The following PGBD5 variants were observed in gnomAD, a reference collection of about 807,000 sequenced individuals.
PGBD5 encodes the protein piggyBac transposable element-derived protein 5.
In PGBD5, 14 loss-of-function variants were observed where a neutral mutation model predicts 47.9. The observed-to-expected ratio is 0.29, with a 90% CI of 0.19 to 0.46. The LOEUF is 0.46. PGBD5 is among the 20% of genes least tolerant of loss of function. The pLI is 1.00. For synonymous variants in PGBD5, 316 were observed against 306.3 expected (o/e 1.03, Z -0.33); for missense variants, 635 against 716.0 (o/e 0.89, Z 1.29).
intron 3 of PGBD5, among the ~76,000 whole-genome samples, chr1:230,342,580 GAC>G (rs1667421688): frequency 6.6e-6 from 1 of 152,216 alleles, no homozygotes; most frequent in South Asian, 2.1e-4. Context: ...AATTGTAAAT[GAC>G]AGTCACTTGT....
chr1:230,406,982 G>A (rs1657313682), intron 1 of PGBD5, among the ~76,000 whole-genome samples: 3 of 152,174 alleles, frequency 2.0e-5, no homozygotes, highest in Admixed American at 6.5e-5. Flanking sequence ...TTACAGGCGT[G>A]CACCACCACA....
chr1:230,341,415 T>C (rs1419351262), intron 3 of PGBD5, among the ~76,000 whole-genome samples: 3 of 152,168 alleles, frequency 2.0e-5, no homozygotes, highest in Non-Finnish European at 2.9e-5. Context: ...TCCAGTGAAG[T>C]CTTATCCTAT....
Position 230,339,136 on chromosome 1 carries a change from T to A in PGBD5, c.895-1848A>T, listed in dbSNP as rs1667371808. Among the ~76,000 whole-genome samples the A allele has an allele frequency of 7.9e-5, 12 of 152,336 alleles. 1 individual carries two copies. The South Asian group carries it at 2.5e-3, about 32-fold the overall frequency. On this transcript the variant is annotated intron_variant, in intron 3 of 6. Transcript: ENST00000391860. ...CTTCCACACCAGGCACTTCTATGCA[T>A]CTGAAGAACTGCAACGTGATAGCTG...
chr1:230,401,718 C>T (rs1657143154), intron 1 of PGBD5, among the ~76,000 whole-genome samples: 1 of 152,234 alleles, frequency 6.6e-6, no homozygotes, highest in Admixed American at 6.5e-5. Context: ...GCCCTCAGGC[C>T]TCCGGCCACA....
In PGBD5 at chr1:230,317,899, T is replaced by G. The variant is rs1666974626; in HGVS notation, c.*5526A>C. On this transcript the variant is annotated 3_prime_UTR_variant, in exon 7 of 7. Coordinates refer to ENST00000391860, the MANE Select transcript of PGBD5 (RefSeq NM_001258311.2). ...GTGACATGGAGCGCACAATCAAGTC[T>G]CCCGCAGGAGTCTCCTCATTACGAC... 1.3e-5 allele frequency: 2 copies of G among 152,100 alleles called. No homozygotes were observed. The highest frequency in any genetic ancestry group is 4.1e-4 in the South Asian group (2 of 4,832). The allele number at this position is 152,100 out of a possible 1,614,324, so 9.4% of individuals were successfully genotyped here. A position where few individuals can be genotyped will look rare whatever the true frequency, so the allele number is the denominator to read the frequency against.
chr1:230,330,275 C>T (rs906166692), intron 5 of PGBD5, among the ~76,000 whole-genome samples: 14 of 152,182 alleles, frequency 9.2e-5, no homozygotes, highest in Non-Finnish European at 2.1e-4. Context: ...GTGCCCGCTG[C>T]GATGGTAGAG....
intron 1 of PGBD5, among the ~76,000 whole-genome samples, chr1:230,421,869 C>G (rs1657657351): frequency 6.6e-6 from 1 of 152,190 alleles, no homozygotes; most frequent in South Asian, 2.1e-4. Flanking sequence ...TTCCAGGTCT[C>G]TGAGTTCACA....
intron 1 of PGBD5, among the ~76,000 whole-genome samples, chr1:230,397,970 G>A (rs1657041228): frequency 6.6e-6 from 1 of 152,204 alleles, no homozygotes; most frequent in Admixed American, 6.5e-5. Context: ...CCCTGGAGAA[G>A]GAGTCGTTCC....
chr1:230,424,585 G>T (rs1161929543), intron 1 of PGBD5, among the ~76,000 whole-genome samples: 2 of 152,184 alleles, frequency 1.3e-5, no homozygotes, highest in African/African-American at 2.4e-5. Context: ...GTTCCTGACC[G>T]GTTGAACAAT....
chr1:230,389,003 A>G (rs2102731211), intron 1 of PGBD5, among the ~76,000 whole-genome samples: 1 of 152,266 alleles, frequency 6.6e-6, no homozygotes, highest in East Asian at 1.9e-4. Flanking sequence ...ACCAGCCCCA[A>G]TGCCCTGGGA....
At position 230,337,112 on chromosome 1, in the gene PGBD5, C is replaced by T; in HGVS notation, c.1071G>A (p.Lys357=). ...TSLTLFEEFE[K]QGIYCCGLLR... ...CTGGCTCCCCACTTGACTAACCTTG[C>T]TTCTCAAACTCTTCAAACAGCGTCA... is the stretch of plus-strand genomic sequence containing the variant. The change falls in exon 4 of 7, where the codon AAG becomes AAA. Residue 357 remains lysine (K), a synonymous_variant. Coordinates refer to ENST00000391860, the MANE Select transcript of PGBD5 (RefSeq NM_001258311.2). 6.2e-7 allele frequency: 1 copy of T among 1,613,572 alleles called. No individual in the cohort carries two copies. Among genetic ancestry groups the T allele is most frequent in the Non-Finnish European group, 8.5e-7 (1 of 1,179,638 alleles).
chr1:230,351,096 C>T lies in PGBD5; in HGVS notation c.760-4G>A, dbSNP rs756790074. The stretch of plus-strand genomic sequence containing the variant: ...CGATCAGGGGTTCATGTAGCACCTG[C>T]CAGGAGGGAAAAAGCAGAGGCTCTC... On this transcript the variant is annotated splice_region_variant and splice_polypyrimidine_tract_variant and intron_variant, in intron 2 of 6. Coordinates refer to ENST00000391860, the MANE Select transcript of PGBD5 (RefSeq NM_001258311.2). The T allele has an allele frequency of 3.1e-6, 5 of 1,607,886 alleles. No individual in the cohort carries two copies. The highest frequency in any genetic ancestry group is 4.2e-6 in the Non-Finnish European group (5 of 1,177,530).
intron 3 of PGBD5, among the ~76,000 whole-genome samples, chr1:230,349,454 G>C (rs1212851364): frequency 1.3e-5 from 2 of 149,460 alleles, no homozygotes; most frequent in Non-Finnish European, 3.0e-5. Context: ...CAGATCACTT[G>C]AGCCTGGGAA....
chr1:230,390,080 C>T (rs1447750173), intron 1 of PGBD5, among the ~76,000 whole-genome samples: 3 of 152,100 alleles, frequency 2.0e-5, no homozygotes, highest in African/African-American at 2.4e-5. Flanking sequence ...TGGGATAGGA[C>T]CCAAAATGTA....
In PGBD5 at chr1:230,315,207, CA is replaced by C. The variant is rs1304002815; in HGVS notation, c.*8217del. ...GAGAACCAGCCACCCCCTCACCCCCCACCAGAGTTCCCTGAAGGAACCAGCT... is the reference window on the plus strand; with the variant it reads ...GAGAACCAGCCACCCCCTCACCCCCCCCAGAGTTCCCTGAAGGAACCAGCT... On this transcript the variant is annotated 3_prime_UTR_variant, in exon 7 of 7. Coordinates refer to ENST00000391860, the MANE Select transcript of PGBD5 (RefSeq NM_001258311.2). 6.6e-6 allele frequency: 1 copy of C among 152,342 alleles called. No homozygotes were observed. Among genetic ancestry groups the C allele is most frequent in the East Asian group, 1.9e-4 (1 of 5,186 alleles). The allele number at this position is 152,342 out of a possible 1,614,324, so 9.4% of individuals were successfully genotyped here. A position where few individuals can be genotyped will look rare whatever the true frequency, so the allele number is the denominator to read the frequency against.
intron 1 of PGBD5, among the ~76,000 whole-genome samples, chr1:230,422,735 A>G (rs1025574408): frequency 2.6e-5 from 4 of 152,206 alleles, no homozygotes; most frequent in Non-Finnish European, 5.9e-5. Context: ...AAATACGCTG[A>G]AAAACAGAAG....
intron 3 of PGBD5, among the ~76,000 whole-genome samples, chr1:230,343,542 T>C (rs765206995): frequency 6.6e-6 from 1 of 152,224 alleles, no homozygotes; most frequent in South Asian, 2.1e-4. Context: ...TCCACGGTTA[T>C]GTCTTCTGCC....
At position 230,375,760 on chromosome 1, in the gene PGBD5, C is replaced by A. The variant is rs1452287331; in HGVS notation, c.332-18439G>T. Among the ~76,000 whole-genome samples the A allele has an allele frequency of 2.0e-5, 3 of 149,226 alleles. No individual in the cohort carries two copies. In the Admixed American group the frequency reaches 2.0e-4, roughly 10 times the overall value. On this transcript the variant is annotated intron_variant, in intron 1 of 6. Transcript: ENST00000391860. ...ACAGAAGAGAGCTTTTTTCTTCCAT[C>A]CCCTAGACACGTACTAGTGTTGGCA...
chr1:230,380,484 C>T (rs941351864), intron 1 of PGBD5, among the ~76,000 whole-genome samples: 2 of 152,174 alleles, frequency 1.3e-5, no homozygotes, highest in African/African-American at 4.8e-5. Flanking sequence ...AAACTGACAC[C>T]CACCACTACC....
Sources: allele counts gnomAD v4.1 joint callset (sites outside exome capture counted in the v4.1 genomes callset), GRCh38; gene constraint gnomAD v4.1.1; transcripts MANE v1.5; gene names NCBI Gene and HGNC (gene_info 2026-07-23, HGNC 2026-07-21).